HIBADH: variants seen among roughly 807,000 people sequenced by gnomAD.
The protein encoded by HIBADH is 3-hydroxyisobutyrate dehydrogenase, mitochondrial.
Under a neutral mutation model 36.1 loss-of-function variants are expected in HIBADH, and 25 were observed. That is an observed-to-expected ratio of 0.69 (90% CI 0.50 to 0.97). The LOEUF (loss-of-function observed/expected upper bound fraction) is 0.97. Ranked by LOEUF, HIBADH falls within the 50% of genes least tolerant of loss-of-function variation. HIBADH has a pLI of 0.00. For missense variants in HIBADH, 421 were observed against 418.0 expected, an observed-to-expected ratio of 1.01 and a Z score of -0.06; for synonymous variants, 160 against 149.5, an observed-to-expected ratio of 1.07 and a Z score of -0.51.
chr7:27,528,015 G>A (rs767009071), intron 7 of HIBADH, among the ~76,000 whole-genome samples: 4 of 147,678 alleles, frequency 2.7e-5, no homozygotes, highest in Non-Finnish European at 4.4e-5. Flanking sequence ...CACCTGCCTC[G>A]GCCTCCCAAA....
intron 4 of HIBADH, among the ~76,000 whole-genome samples, chr7:27,553,378 C>T (rs1784347431): frequency 6.6e-6 from 1 of 152,224 alleles, no homozygotes; most frequent in Non-Finnish European, 1.5e-5. Flanking sequence ...GCTACATTTG[C>T]AGACCTGGTT....
At chr7:27,651,358 AATAGT>A (rs1786191477) in intron 1 of HIBADH, among the ~76,000 whole-genome samples, 2 of 7,626 alleles carry the variant, frequency 2.6e-4, no homozygotes, top group African/African-American at 2.9e-3. Context: ...ACACTGGTAT[AATAGT>A]ACACTGGTAT....
chr7:27,640,789 C>T (rs1267566236), intron 2 of HIBADH, among the ~76,000 whole-genome samples: 2 of 152,056 alleles, frequency 1.3e-5, no homozygotes, highest in African/African-American at 4.8e-5. Context: ...TGTACAGCAA[C>T]GTTAATGTAC....
intron 4 of HIBADH, among the ~76,000 whole-genome samples, chr7:27,585,708 T>C (rs1303564306): frequency 1.3e-5 from 2 of 152,222 alleles, no homozygotes; most frequent in East Asian, 1.9e-4. Flanking sequence ...AGTGTATAAA[T>C]TGGTTTCACC....
At chr7:27,593,539 C>G (rs149056386) in intron 4 of HIBADH, among the ~76,000 whole-genome samples, 37 of 152,266 alleles carry the variant, frequency 2.4e-4, no homozygotes, top group African/African-American at 7.9e-4. Context: ...CAAAAACCTC[C>G]TTCAAACCAA....
At chr7:27,553,906 G>A (rs923747283) in intron 4 of HIBADH, among the ~76,000 whole-genome samples, 4 of 152,126 alleles carry the variant, frequency 2.6e-5, no homozygotes, top group Non-Finnish European at 5.9e-5. Flanking sequence ...TGTAGTACAA[G>A]GGTGTGATCT....
intron 1 of HIBADH, among the ~76,000 whole-genome samples, chr7:27,654,056 C>T (rs78835233): frequency 0.034 from 5,191 of 152,094 alleles, 114 homozygotes; most frequent in South Asian, 0.093. Context: ...TTTATCAATA[C>T]AAATTAAATT....
At chr7:27,600,601 G>A (rs1175192201) in intron 4 of HIBADH, among the ~76,000 whole-genome samples, 5 of 151,880 alleles carry the variant, frequency 3.3e-5, no homozygotes, top group Non-Finnish European at 7.4e-5. Context: ...CATCCTTTTC[G>A]AAACCTTTCC....
At chr7:27,649,729 T>A (rs1005154989) in intron 1 of HIBADH, 96 bp from the exon 2 acceptor site, 2 of 1,238,630 alleles carry the variant, frequency 1.6e-6, no homozygotes, top group African/African-American at 3.1e-5. Context: ...ATTTTTTTTT[T>A]TTAATAAAAG....
At chr7:27,660,549 C>G (rs549996671) in intron 1 of HIBADH, among the ~76,000 whole-genome samples, 1 of 152,160 alleles carries the variant, frequency 6.6e-6, no homozygotes, top group South Asian at 2.1e-4. Flanking sequence ...CCTGTAGTCC[C>G]AGGTACTCCG....
Position 27,638,401 on chromosome 7 carries a change from C to G in HIBADH, c.253-5956G>C, listed in dbSNP as rs144550062. Among the ~76,000 whole-genome samples the G allele has an allele frequency of 4.5e-3, 651 of 144,010 alleles. 9 individuals carry two copies. In the South Asian group the frequency reaches 0.048, roughly 11 times the overall value. 94.5% of individuals were successfully genotyped at this position (144,010 alleles called of 152,430 possible). ...TAACTGGCTAGCCATATGCAAAAAA[C>G]TGAAACTGGAACCCTCCTTATACCA... On this transcript the variant is annotated intron_variant, in intron 2 of 7. Transcript: ENST00000265395.
chr7:27,645,417 G>T (rs1291004397), intron 2 of HIBADH, among the ~76,000 whole-genome samples: 1 of 107,698 alleles, frequency 9.3e-6, no homozygotes, highest in Non-Finnish European at 1.7e-5. Flanking sequence ...TTACTCTGTC[G>T]CCCAGGCTGG....
At chr7:27,601,331 A>G (rs1183968932) in intron 4 of HIBADH, among the ~76,000 whole-genome samples, 1 of 152,152 alleles carries the variant, frequency 6.6e-6, no homozygotes, top group African/African-American at 2.4e-5. Context: ...GATGAAAAGC[A>G]TCAGTTACCA....
intron 4 of HIBADH, among the ~76,000 whole-genome samples, chr7:27,546,283 T>C (rs1173999325): frequency 1.3e-5 from 2 of 151,962 alleles, no homozygotes; most frequent in African/African-American, 4.8e-5. Context: ...TTTTTGTTGT[T>C]GTTGTTGTTG....
chr7:27,561,052 G>A (rs1045520801), intron 4 of HIBADH, among the ~76,000 whole-genome samples: 14 of 152,112 alleles, frequency 9.2e-5, no homozygotes, highest in African/African-American at 3.4e-4. Context: ...CTTCCCTAAT[G>A]GTTAGTGATG....
At chr7:27,600,063 A>C (rs1385314836) in intron 4 of HIBADH, among the ~76,000 whole-genome samples, 1 of 152,170 alleles carries the variant, frequency 6.6e-6, no homozygotes, top group Non-Finnish European at 1.5e-5. Context: ...TCTCTCCCTT[A>C]AACAACAAAA....
rs1554300959 is a variant in HIBADH, at chr7:27,645,368, A to ATGGTTTT, written c.252+4104_252+4105insAAAACCA. ...CTAGTGGGTGTGTCTCATGGTTTTG[A>ATGGTTTT]TTTTTTTTTTTTTTTTTTTTTTTTT... On this transcript the variant is annotated intron_variant, in intron 2 of 7. Coordinates refer to ENST00000265395, the MANE Select transcript of HIBADH (RefSeq NM_152740.4). Among the ~76,000 whole-genome samples, 187 of 59,648 alleles carry ATGGTTTT rather than the reference A, an allele frequency of 3.1e-3. 20 individuals are homozygous for ATGGTTTT. Among genetic ancestry groups the ATGGTTTT allele is most frequent in the African/African-American group, 0.011 (180 of 15,870 alleles). The allele number at this position is 59,648 out of a possible 152,430, so 39.1% of individuals were successfully genotyped here.
At chr7:27,585,293 G>A (rs1340350724) in intron 4 of HIBADH, among the ~76,000 whole-genome samples, 1 of 151,844 alleles carries the variant, frequency 6.6e-6, no homozygotes, top group Non-Finnish European at 1.5e-5. Flanking sequence ...GCACACACGT[G>A]TGTGTATGTA....
At position 27,612,615 on chromosome 7, in the gene HIBADH, G is replaced by A. The variant is rs1463935302; in HGVS notation, c.484+16756C>T. ...TGGGATTACAGGCATGAGCCACCGC[G>A]CCCAGCCTGTAATCTCTTTCTAAAA... On this transcript the variant is annotated intron_variant, in intron 4 of 7. Coordinates refer to ENST00000265395, the MANE Select transcript of HIBADH (RefSeq NM_152740.4). Among the ~76,000 whole-genome samples, 8 of 150,102 alleles carry A rather than the reference G, an allele frequency of 5.3e-5. No individual in the cohort carries two copies. The East Asian group carries it at 8.3e-4, about 16-fold the overall frequency.
Sources: allele counts gnomAD v4.1 joint callset (sites outside exome capture counted in the v4.1 genomes callset), GRCh38; gene constraint gnomAD v4.1.1; transcripts MANE v1.5; gene names NCBI Gene and HGNC (gene_info 2026-07-23, HGNC 2026-07-21).